The following MTSS2 variants were observed in gnomAD, a reference collection of about 807,000 sequenced individuals.
MTSS2 encodes the protein MTSS I-BAR domain containing 2, also known as protein MTSS 2.
MTSS2 carries 27 observed loss-of-function variants against 67.1 expected under a neutral mutation model. That is an observed-to-expected ratio of 0.40 (90% CI 0.30 to 0.55). The LOEUF (loss-of-function observed/expected upper bound fraction) is 0.55. MTSS2 is among the 20% of genes least tolerant of loss of function. The probability of loss-of-function intolerance (pLI) is 0.43; values close to 1 mark genes in which losing one functional copy is unlikely to be tolerated. For missense variants in MTSS2, 1,171 were observed against 1,067.8 expected, an observed-to-expected ratio of 1.10 and a Z score of -1.35; for synonymous variants, 624 against 468.6, an observed-to-expected ratio of 1.33 and a Z score of -4.28.
rs2052629223 is a variant in MTSS2 at position 70,664,630 on chromosome 16, G to A, written c.1439C>T (p.Pro480Leu). 3 of 1,613,236 alleles carry A rather than the reference G, an allele frequency of 1.9e-6. No homozygotes were observed. The highest frequency in any genetic ancestry group is 2.5e-6 in the Non-Finnish European group (3 of 1,179,900). Residue 480 changes from proline to leucine, a missense_variant, in exon 14 of 15, where the codon CCC becomes CTC. Pro to Leu is a moderately conservative substitution (Grantham distance 98, BLOSUM62 -3). This residue lies in a region of MTSS2 where 924 missense variants were observed against 756.0 expected (regional missense o/e 1.22). Coordinates refer to ENST00000338779, the MANE Select transcript of MTSS2 (RefSeq NM_138383.3). ...GGGGATGGTGTCCTCAGAGCAGGAG[G>A]GCGTGGTGGTCTGCGTGCTGTAGCC... The part of the protein sequence containing the change: ...SSGYSTQTTT[P>L]SCSEDTIPSQ...
chr16:70,682,442 G>A (rs974601068), intron 1 of MTSS2, among the ~76,000 whole-genome samples: 1 of 152,112 alleles, frequency 6.6e-6, no homozygotes, highest in Non-Finnish European at 1.5e-5. Context: ...CCTTTAGGGA[G>A]CAGAGAAGTT....
chr16:70,667,352 T>C (rs1268277800), intron 11 of MTSS2, among the ~76,000 whole-genome samples: 1 of 147,408 alleles, frequency 6.8e-6, no homozygotes, highest in Non-Finnish European at 1.5e-5. Context: ...AGAAAGAATC[T>C]ACAAATTATT....
chr16:70,661,316 A>G lies in MTSS2; in HGVS notation c.*2361T>C. On this transcript the variant is annotated 3_prime_UTR_variant, in exon 15 of 15. Transcript: ENST00000338779. ...ATGGTGTGGAGGGGGCGGGGAGGAG[A>G]GGAGAATTTTTCCAAAATCTGACGG... The G allele has an allele frequency of 2.3e-6, 1 of 439,100 alleles. No individual in the cohort carries two copies. Among genetic ancestry groups the G allele is most frequent in the South Asian group, 1.6e-5 (1 of 63,546 alleles). 27.2% of individuals were successfully genotyped at this position (439,100 alleles called of 1,614,324 possible).
chr16:70,682,872 C>T (rs2053343363), intron 1 of MTSS2, among the ~76,000 whole-genome samples: 1 of 152,188 alleles, frequency 6.6e-6, no homozygotes, highest in Admixed American at 6.5e-5. Flanking sequence ...GAAACAGAAG[C>T]CCGTAGAGGT....
At chr16:70,670,113 A>C (rs2052876590) in intron 11 of MTSS2, among the ~76,000 whole-genome samples, 1 of 151,224 alleles carries the variant, frequency 6.6e-6, no homozygotes, top group Non-Finnish European at 1.5e-5. Context: ...TCTACTAAAA[A>C]TACAAAAATT....
At chr16:70,681,374 G>T (rs2053300504) in intron 1 of MTSS2, among the ~76,000 whole-genome samples, 1 of 152,366 alleles carries the variant, frequency 6.6e-6, no homozygotes, top group Admixed American at 6.5e-5. Context: ...GGCCTGGCAG[G>T]GGATCTGGGC....
Position 70,661,626 on chromosome 16 carries a change from T to TCGA in MTSS2, c.*2048_*2050dup. 8.8e-6 allele frequency: 3 copies of TCGA among 339,982 alleles called. No homozygotes were observed. In the Admixed American group the frequency reaches 1.3e-4, roughly 14 times the overall value. 21.1% of individuals were successfully genotyped at this position (339,982 alleles called of 1,614,324 possible). A position where few individuals can be genotyped will look rare whatever the true frequency, so the allele number is the denominator to read the frequency against. ...GTGGGCCTATGAGGTGGTTGCTAAG[T>TCGA]CGACGCAAGGGCGGCGGGGGTGGTC... On this transcript the variant is annotated 3_prime_UTR_variant, in exon 15 of 15. Coordinates refer to ENST00000338779, the MANE Select transcript of MTSS2 (RefSeq NM_138383.3).
intron 11 of MTSS2, among the ~76,000 whole-genome samples, chr16:70,667,516 C>T (rs1459339483): frequency 1.3e-5 from 2 of 152,022 alleles, no homozygotes; most frequent in Non-Finnish European, 2.9e-5. Flanking sequence ...ACGATAACAT[C>T]AATAAACACT....
chr16:70,665,149 C>T (rs1344133864), intron 12 of MTSS2, 53 bp from the exon 13 acceptor site: 5 of 1,530,028 alleles, frequency 3.3e-6, no homozygotes, highest in Non-Finnish European at 4.4e-6. Context: ...CCACCTATGG[C>T]CCGGGGGCCC....
Position 70,665,514 on chromosome 16 carries a change from C to T in MTSS2, c.1080G>A (p.Glu360=). The T allele has an allele frequency of 6.5e-7, 1 of 1,548,508 alleles. No homozygotes were observed. Residue 360 remains glutamate, a synonymous_variant, in exon 12 of 15, where the codon GAG becomes GAA. Coordinates refer to ENST00000338779, the MANE Select transcript of MTSS2 (RefSeq NM_138383.3). ...SQKSSSSASS[E]ASETCQSVSE... ...TAACGGACTGGCAGGTTTCCGAGGCCTCGGAAGATGCAGAGCTGGAGGACT... is the reference window on the plus strand; with the variant it reads ...TAACGGACTGGCAGGTTTCCGAGGCTTCGGAAGATGCAGAGCTGGAGGACT...
chr16:70,679,666 A>G lies in MTSS2; in HGVS notation c.421T>C (p.Ser141Pro). ...RARHEIKKKS[S>P]DTLKLQKKAR... ...TTCTTCTGCAGCTTCAGCGTGTCCG[A>G]CGACTTCTTTTTGATCTCATGCCGG... The change falls in exon 6 of 15, where the codon TCG (serine) becomes CCG (proline). Residue 141 changes from serine (S) to proline (P), a missense_variant. Transcript: ENST00000338779. 1 of 1,610,612 alleles carries G rather than the reference A, an allele frequency of 6.2e-7. No homozygotes were observed. The highest frequency in any genetic ancestry group is 8.5e-7 in the Non-Finnish European group (1 of 1,178,660).
intron 10 of MTSS2, among the ~76,000 whole-genome samples, chr16:70,675,177 C>G (rs1269657692): frequency 6.6e-6 from 1 of 151,252 alleles, no homozygotes. Flanking sequence ...TGTCCCAGCA[C>G]TTTGGGAGTC....
At chr16:70,677,100 C>A (rs745306279) in intron 9 of MTSS2, 122 bp from the exon 10 acceptor site, 36 of 737,512 alleles carry the variant, frequency 4.9e-5, no homozygotes, top group Non-Finnish European at 7.4e-5. Flanking sequence ...AATCTGAAGC[C>A]CCCTCCCCCA....
intron 11 of MTSS2, among the ~76,000 whole-genome samples, chr16:70,669,627 C>G (rs1329661999): frequency 6.6e-6 from 1 of 151,998 alleles, no homozygotes; most frequent in African/African-American, 2.4e-5. Flanking sequence ...ACCAGCCTGG[C>G]CAACATGGTG....
chr16:70,661,716 C>G lies in MTSS2; in HGVS notation c.*1961G>C, dbSNP rs1054127781. The G allele has an allele frequency of 4.4e-6, 1 of 227,198 alleles. No individual in the cohort carries two copies. The highest frequency in any genetic ancestry group is 8.7e-6 in the Non-Finnish European group (1 of 114,308). 14.1% of individuals were successfully genotyped at this position (227,198 alleles called of 1,614,324 possible). A position where few individuals can be genotyped will look rare whatever the true frequency, so the allele number is the denominator to read the frequency against. On this transcript the variant is annotated 3_prime_UTR_variant, in exon 15 of 15. Coordinates refer to ENST00000338779, the MANE Select transcript of MTSS2 (RefSeq NM_138383.3). Reference sequence around the variant, plus strand: ...CCCCGGGGCTCACAGGGGAGGGGGACGGCGGAGTCGGTGGGGGCTGTGCCA... The same window carrying G: ...CCCCGGGGCTCACAGGGGAGGGGGAGGGCGGAGTCGGTGGGGGCTGTGCCA...
Position 70,679,990 on chromosome 16 carries a change from T to G in MTSS2, c.271A>C (p.Lys91Gln). 1 of 1,531,288 alleles carries G rather than the reference T, an allele frequency of 6.5e-7. No homozygotes were observed. Among genetic ancestry groups the G allele is most frequent in the Admixed American group, 2.0e-5 (1 of 51,070 alleles). The allele number at this position is 1,531,288 out of a possible 1,614,324, so 94.9% of individuals were successfully genotyped here. A position where few individuals can be genotyped will look rare whatever the true frequency, so the allele number is the denominator to read the frequency against. The change falls in exon 4 of 15, where the codon AAG becomes CAG. Residue 91 changes from lysine to glutamine, a missense_variant. This residue lies in a region of MTSS2 where 247 missense variants were observed against 311.8 expected (regional missense o/e 0.79). Transcript: ENST00000338779. ...MCMRHRSIET[K>Q]LRQFTNALLE... Reference sequence around the variant, plus strand: ...ACTCACTTGGTGAACTGCCGCAGCTTGGTCTCGATGCTGCGGTGGCGCATG... The same window carrying G: ...ACTCACTTGGTGAACTGCCGCAGCTGGGTCTCGATGCTGCGGTGGCGCATG...
Position 70,664,330 on chromosome 16 carries a change from T to C in MTSS2, c.1591A>G (p.Ile531Val). Residue 531 changes from isoleucine to valine, a missense_variant, in exon 15 of 15, where the codon ATC becomes GTC. Transcript: ENST00000338779. ...SNIAQNYRRL[I>V]QTKRPASTAG... ...GTGGAGGCTGGGCGCTTGGTCTGGATCAGGCGGCGGTAGTTCTGGGCGATG... is the reference window on the plus strand; with the variant it reads ...GTGGAGGCTGGGCGCTTGGTCTGGACCAGGCGGCGGTAGTTCTGGGCGATG... 3 of 1,597,372 alleles carry C rather than the reference T, an allele frequency of 1.9e-6. No individual in the cohort carries two copies. Among genetic ancestry groups the C allele is most frequent in the South Asian group, 1.1e-5 (1 of 88,524 alleles).
rs149346643 is a variant in MTSS2 at position 70,683,358 on chromosome 16, G to A, written c.70-2333C>T. Among the ~76,000 whole-genome samples the A allele has an allele frequency of 6.3e-4, 96 of 152,330 alleles. 1 individual carries two copies. In the South Asian group the frequency reaches 8.7e-3, roughly 14 times the overall value. ...CTGCTCAGCCAGCACTCCTCGCAGCGCCCAGCACGCAGTAAGTGCTCAGTT... is the reference window on the plus strand; with the variant it reads ...CTGCTCAGCCAGCACTCCTCGCAGCACCCAGCACGCAGTAAGTGCTCAGTT... On this transcript the variant is annotated intron_variant, in intron 1 of 14. Coordinates refer to ENST00000338779, the MANE Select transcript of MTSS2 (RefSeq NM_138383.3).
At chr16:70,685,239 C>T (rs546369246) in intron 1 of MTSS2, among the ~76,000 whole-genome samples, 3 of 152,006 alleles carry the variant, frequency 2.0e-5, no homozygotes, top group Non-Finnish European at 2.9e-5. Context: ...GTCTCACGGT[C>T]GGGTGCAGAG....
Sources: allele counts gnomAD v4.1 joint callset (sites outside exome capture counted in the v4.1 genomes callset), GRCh38; gene constraint gnomAD v4.1.1; regional missense constraint gnomAD v4.1.1; transcripts MANE v1.5; gene names NCBI Gene and HGNC (gene_info 2026-07-23, HGNC 2026-07-21).